The following CACNA1H variants were observed in gnomAD, a reference collection of about 807,000 sequenced individuals.
CACNA1H encodes voltage-dependent T-type calcium channel subunit alpha-1H.
Under a neutral mutation model 192.5 loss-of-function variants are expected in CACNA1H, and 149 were observed. The observed-to-expected ratio is 0.77, with a 90% CI of 0.68 to 0.89. The LOEUF is 0.89. CACNA1H is among the 40% of genes least tolerant of loss of function. The probability of loss-of-function intolerance (pLI) is 0.00; values close to 1 mark genes in which losing one functional copy is unlikely to be tolerated. For synonymous variants in CACNA1H, 2,202 were observed against 1,475.2 expected, an observed-to-expected ratio of 1.49 and a Z score of -11.29; for missense variants, 4,257 against 3,423.5, an observed-to-expected ratio of 1.24 and a Z score of -6.08.
At chr16:1,211,686 C>T (rs552357694) in intron 23 of CACNA1H, 30 bp from the exon 24 acceptor site, 2 of 1,612,020 alleles carry the variant, frequency 1.2e-6, no homozygotes, top group East Asian at 4.5e-5. Context: ...AGCTCTAACC[C>T]TCGCCAGTGA....
At chr16:1,194,691 G>A (rs2141189776) in intron 2 of CACNA1H, among the ~76,000 whole-genome samples, 1 of 152,332 alleles carries the variant, frequency 6.6e-6, no homozygotes, top group African/African-American at 2.4e-5. Flanking sequence ...GCCCACCGAG[G>A]GCTCCTGCAC....
At chr16:1,155,282 G>GC (rs1962179798) in intron 2 of CACNA1H, among the ~76,000 whole-genome samples, 1 of 152,222 alleles carries the variant, frequency 6.6e-6, no homozygotes, top group Non-Finnish European at 1.5e-5. Flanking sequence ...CACACCCGCT[G>GC]CCCGGGCGGC....
At position 1,210,979 on chromosome 16, in the gene CACNA1H, G is replaced by C. The variant is rs759696447; in HGVS notation, c.4223+8G>C. On this transcript the variant is annotated splice_region_variant and intron_variant, in intron 21 of 34. Transcript: ENST00000348261. ...GACCCTGCGGCCTCTGAGGTGGGGG[G>C]CTCCCCGTGGGCTCCCGGGGCAACC... 2.5e-6 allele frequency: 4 copies of C among 1,591,398 alleles called. No homozygotes were observed. The highest frequency in any genetic ancestry group is 3.4e-6 in the Non-Finnish European group (4 of 1,174,158).
In CACNA1H at chr16:1,202,385, G is replaced by A. The variant is rs1356523845; in HGVS notation, c.1935G>A (p.Gly645=). The change falls in exon 9 of 35, where the codon GGG becomes GGA. Residue 645 remains glycine, a synonymous_variant. Coordinates refer to ENST00000348261, the MANE Select transcript of CACNA1H (RefSeq NM_021098.3). The part of the protein sequence containing the change: ...KWAGGPPGTG[G]HGPLSLNSPD... Reference sequence around the variant, plus strand: ...CCGGTGGACCGCCAGGCACCGGGGGGCACGGCCCGTTGAGCTTGAACAGCC... The same window carrying A: ...CCGGTGGACCGCCAGGCACCGGGGGACACGGCCCGTTGAGCTTGAACAGCC... 5.8e-6 allele frequency: 9 copies of A among 1,549,490 alleles called. No homozygotes were observed. The highest frequency in any genetic ancestry group is 1.4e-5 in the African/African-American group (1 of 73,338).
At position 1,204,790 on chromosome 16, in the gene CACNA1H, C is replaced by CTAGAT. The variant is rs1567522075; in HGVS notation, c.2452-324_2452-323insTAGAT. Among the ~76,000 whole-genome samples the CTAGAT allele has an allele frequency of 0.014, 2,030 of 146,832 alleles. 493 individuals carry two copies. The highest frequency in any genetic ancestry group is 0.022 in the Non-Finnish European group (1,429 of 66,252). ...AGGGGTGGGAGCCGTGGGTGGGGCC[C>CTAGAT]CAGATCAGTGCCGGGGAGGGGTGGG... On this transcript the variant is annotated intron_variant, in intron 10 of 34. Transcript: ENST00000348261.
At chr16:1,219,483 GC>G (rs1393694620) in intron 34 of CACNA1H, among the ~76,000 whole-genome samples, 3 of 152,060 alleles carry the variant, frequency 2.0e-5, no homozygotes, top group Non-Finnish European at 4.4e-5. Context: ...AGTTTCTCAG[GC>G]CCCATGTGGG....
chr16:1,216,335 G>A (rs1404688266), intron 30 of CACNA1H, among the ~76,000 whole-genome samples: 2 of 152,266 alleles, frequency 1.3e-5, no homozygotes, highest in Admixed American at 6.5e-5. Flanking sequence ...ACTCCACCAG[G>A]TGCTCAGCTG....
intron 25 of CACNA1H, 84 bp from the exon 26 acceptor site, chr16:1,212,414 CAGCCCCCGAGACA>C (rs1969561734): frequency 7.6e-7 from 1 of 1,309,156 alleles, no homozygotes; most frequent in Non-Finnish European, 1.1e-6. Context: ...GGAGCCAGCA[CAGCCCCCGAGACA>C]CGGGGGCTGA....
rs1961812328 is a variant in CACNA1H, at chr16:1,153,228, C to G, written c.-261C>G. ...CGGCCTCACCCGTCCGCTCAGCGGCCTCCACGCCGCGCCGAGGCCGCCGCC... is the reference window on the plus strand; with the variant it reads ...CGGCCTCACCCGTCCGCTCAGCGGCGTCCACGCCGCGCCGAGGCCGCCGCC... On this transcript the variant is annotated 5_prime_UTR_variant, in exon 1 of 35. Coordinates refer to ENST00000348261, the MANE Select transcript of CACNA1H (RefSeq NM_021098.3). The G allele has an allele frequency of 6.9e-6, 1 of 145,732 alleles. No individual in the cohort carries two copies. The highest frequency in any genetic ancestry group is 2.5e-5 in the African/African-American group (1 of 40,502). The allele number at this position is 145,732 out of a possible 1,614,324, so 9.0% of individuals were successfully genotyped here.
chr16:1,199,504 T>C (rs572269482), intron 6 of CACNA1H, among the ~76,000 whole-genome samples: 2 of 146,844 alleles, frequency 1.4e-5, no homozygotes, highest in Admixed American at 6.7e-5. Flanking sequence ...ATTGCACATA[T>C]GTCCCACCCC....
At position 1,208,076 on chromosome 16, in the gene CACNA1H, C is replaced by T. The variant is rs369474500; in HGVS notation, c.3218C>T (p.Ser1073Phe). The T allele has an allele frequency of 8.7e-6, 14 of 1,601,406 alleles. No individual in the cohort carries two copies. Among genetic ancestry groups the T allele is most frequent in the African/African-American group, 8.0e-5 (6 of 74,612 alleles). Residue 1073 changes from serine (S) to phenylalanine (F), a missense_variant, in exon 16 of 35, where the codon TCC (serine) becomes TTC (phenylalanine). Transcript: ENST00000348261. ...CACCTGGAGGGACGAGGCAGCCTGT[C>T]CCCTCCCCTCATCATGTGCACAGCT... Reference protein sequence around the residue: ...NGHLEGRGSLSPPLIMCTAAT... With the variant: ...NGHLEGRGSLFPPLIMCTAAT...
In CACNA1H at chr16:1,200,704, C is replaced by T. The variant is rs368268122; in HGVS notation, c.1120-12C>T. The T allele has an allele frequency of 1.1e-5, 18 of 1,565,882 alleles. No individual in the cohort carries two copies. In the African/African-American group the frequency reaches 1.8e-4, roughly 15 times the overall value. On this transcript the variant is annotated splice_polypyrimidine_tract_variant and intron_variant, in intron 7 of 34. Coordinates refer to ENST00000348261, the MANE Select transcript of CACNA1H (RefSeq NM_021098.3). ...GGTCGTGCGGGCCCAAGTCAAGCCA[C>T]TGCCCCCCCAGGTGATCACGCTGGA...
rs1235482403 is a variant in CACNA1H at position 1,200,781 on chromosome 16, C to T, written c.1185C>T (p.Asn395=). 1.7e-5 allele frequency: 27 copies of T among 1,553,388 alleles called. No individual in the cohort carries two copies. Among genetic ancestry groups the T allele is most frequent in the South Asian group, 4.7e-5 (4 of 84,322 alleles). The change falls in exon 8 of 35, where the codon AAC becomes AAT. Residue 395 remains asparagine (N), a synonymous_variant. Transcript: ENST00000348261. ...YYVMDAHSFY[N]FIYFILLIIV... The stretch of plus-strand genomic sequence containing the variant: ...TCATGGACGCCCACTCATTCTACAA[C>T]TTCATCTATTTCATCCTGCTCATCA...
Position 1,214,035 on chromosome 16 carries a change from CTGGGGTTTGCGTGGGGATG to C in CACNA1H, c.4929+113_4929+131del. On this transcript the variant is annotated intron_variant, in intron 27 of 34. Coordinates refer to ENST00000348261, the MANE Select transcript of CACNA1H (RefSeq NM_021098.3). Reference sequence around the variant, plus strand: ...GGACCGGCGCTCCGCTGAGCCCTCGCTGGGGTTTGCGTGGGGATGTGGGGTTTTGTGTGAACACGGGTCT... The same window carrying C: ...GGACCGGCGCTCCGCTGAGCCCTCGCTGGGGTTTTGTGTGAACACGGGTCT... 5 of 1,000,592 alleles carry C rather than the reference CTGGGGTTTGCGTGGGGATG, an allele frequency of 5.0e-6. No homozygotes were observed. The South Asian group carries it at 7.1e-5, about 14-fold the overall frequency. 62.0% of individuals were successfully genotyped at this position (1,000,592 alleles called of 1,614,324 possible).
At chr16:1,168,287 TCCTC>T (rs1400305061) in intron 2 of CACNA1H, among the ~76,000 whole-genome samples, 1 of 151,422 alleles carries the variant, frequency 6.6e-6, no homozygotes, top group African/African-American at 2.4e-5. Context: ...AACCCCCATC[TCCTC>T]CCTCCTAGGG....
rs778337685 is a variant in CACNA1H at position 1,202,120 on chromosome 16, C to A, written c.1670C>A (p.Pro557His). The change falls in exon 9 of 35, where the codon CCC becomes CAC. Residue 557 changes from proline to histidine, a missense_variant. Pro to His is a moderately conservative substitution (Grantham distance 77). Transcript: ENST00000348261. ...DTRLVRAGAP[P>H]SPPSPGRGPP... ...AGGCTGGTCCGAGCTGGCGCGCCCC[C>A]CTCGCCACCTTCCCCAGGCCGCGGA... 17 of 1,547,048 alleles carry A rather than the reference C, an allele frequency of 1.1e-5. No individual in the cohort carries two copies. The highest frequency in any genetic ancestry group is 1.4e-5 in the Non-Finnish European group (16 of 1,145,908).
chr16:1,212,617 C>A, intron 26 of CACNA1H, 89 bp downstream of exon 26: 1 of 1,483,752 alleles, frequency 6.7e-7, no homozygotes, highest in East Asian at 2.5e-5. Flanking sequence ...TGGGGTCCTC[C>A]GCAGGGTGGG....
chr16:1,201,815 C>T lies in CACNA1H; in HGVS notation c.1365C>T (p.Ser455=). Residue 455 remains serine (S), a synonymous_variant, in exon 9 of 35, where the codon AGC becomes AGT. Coordinates refer to ENST00000348261, the MANE Select transcript of CACNA1H (RefSeq NM_021098.3). ...TGGCCAGCTTCTCCGAGCCTGGCAG[C>T]TGCTACGAAGAGCTGCTGAAGTACG... ...STLASFSEPG[S]CYEELLKYVG... is the part of the protein sequence containing the mutation. 5.0e-6 allele frequency: 8 copies of T among 1,585,264 alleles called. No homozygotes were observed. Among genetic ancestry groups the T allele is most frequent in the Non-Finnish European group, 6.9e-6 (8 of 1,166,728 alleles).
chr16:1,182,263 C>T lies in CACNA1H; in HGVS notation c.300-12709C>T, dbSNP rs182560014. Among the ~76,000 whole-genome samples the T allele has an allele frequency of 7.6e-3, 1,164 of 152,258 alleles. 15 individuals carry two copies. Among genetic ancestry groups the T allele is most frequent in the East Asian group, 0.041 (210 of 5,168 alleles). ...GGGTGCAGCCTGGCGGACATAGAGG[C>T]GGAGGCCAGGGCCGCTCTCTGTGGG... On this transcript the variant is annotated intron_variant, in intron 2 of 34. Transcript: ENST00000348261.
Sources: gnomAD v4.1 joint callset for allele counts (sites outside exome capture counted in the v4.1 genomes callset) on GRCh38, gnomAD v4.1.1 for gene constraint, MANE v1.5 for transcripts, NCBI Gene and HGNC (gene_info 2026-07-23, HGNC 2026-07-21) for gene names.